Variants in TSPAN7 observed in about 807,000 individuals in gnomAD.
TSPAN7 encodes the protein tetraspanin-7.
Under a neutral mutation model 17.6 loss-of-function variants are expected in TSPAN7, and 1 was observed. That is an observed-to-expected ratio of 0.06 (90% confidence interval 0.02 to 0.27). The LOEUF (loss-of-function observed/expected upper bound fraction) is 0.27, where lower values mean the gene tolerates loss of function less well. TSPAN7 is among the 10% of genes least tolerant of loss of function. TSPAN7 has a pLI of 1.00. For synonymous variants in TSPAN7, 78 were observed against 79.0 expected, an observed-to-expected ratio of 0.99 and a Z score of 0.07; for missense variants, 112 against 201.7, an observed-to-expected ratio of 0.56 and a Z score of 2.69.
intron 1 of TSPAN7, among the ~76,000 whole-genome samples, chrX:38,588,656 T>TCA (rs2069272536): frequency 3.6e-5 from 4 of 111,732 alleles, no homozygotes. Context: ...AGGATGAAAA[T>TCA]GGTTTTTCAA....
At chrX:38,634,484 C>CT (rs2069568470) in intron 1 of TSPAN7, among the ~76,000 whole-genome samples, 1 of 112,044 alleles carries the variant, frequency 8.9e-6, no homozygotes, top group African/African-American at 3.3e-5. Flanking sequence ...GGACTTGGCA[C>CT]TTGACTCATT....
intron 1 of TSPAN7, chrX:38,562,951 AT>A (rs1256235058): frequency 3.0e-5 from 29 of 960,690 alleles, no homozygotes; most frequent in Non-Finnish European, 3.6e-5. Flanking sequence ...ACCACCATAT[AT>A]TAGCCCTATT....
At chrX:38,593,187 TC>T (rs1320543092) in intron 1 of TSPAN7, among the ~76,000 whole-genome samples, 1 of 111,571 alleles carries the variant, frequency 9.0e-6, no homozygotes, top group Non-Finnish European at 1.9e-5. Flanking sequence ...TAATTTTTTT[TC>T]TTAATGATTT....
chrX:38,567,355 G>A lies in TSPAN7; in HGVS notation c.81+5728G>A, dbSNP rs752013777. On this transcript the variant is annotated intron_variant, in intron 1 of 7. Transcript: ENST00000378482. Reference sequence around the variant, plus strand: ...CAAAGTTACATCTTACATGGTGGTAGGCAGGAAAGCTTGTGCAGAGGAACT... The same window carrying A: ...CAAAGTTACATCTTACATGGTGGTAAGCAGGAAAGCTTGTGCAGAGGAACT... 6.2e-5 allele frequency among the ~76,000 whole-genome samples: 7 copies of A among 112,478 alleles called. No individual in the cohort carries two copies. The South Asian group carries it at 2.5e-3, about 41-fold the overall frequency.
At chrX:38,572,592 ACAT>A (rs1411028343) in intron 1 of TSPAN7, among the ~76,000 whole-genome samples, 1 of 111,441 alleles carries the variant, frequency 9.0e-6, no homozygotes, top group Non-Finnish European at 1.9e-5. Flanking sequence ...CATTCTTCAA[ACAT>A]CATCATGATG....
chrX:38,611,206 G>C (rs1227876653), intron 1 of TSPAN7, among the ~76,000 whole-genome samples: 1 of 112,414 alleles, frequency 8.9e-6, no homozygotes, highest in Non-Finnish European at 1.9e-5. Flanking sequence ...AAATCGAATA[G>C]CAAGATGCCT....
At chrX:38,617,846 T>C (rs190744509) in intron 1 of TSPAN7, among the ~76,000 whole-genome samples, 115 of 112,216 alleles carry the variant, frequency 1.0e-3, no homozygotes, top group African/African-American at 3.6e-3. Context: ...GTTTTCTTTG[T>C]TGTGGGGATT....
intron 7 of TSPAN7, 44 bp from the exon 8 acceptor site, chrX:38,687,895 C>T (rs764328554): frequency 1.2e-5 from 4 of 337,574 alleles, no homozygotes; most frequent in African/African-American, 1.0e-4. Flanking sequence ...CTTTCAAGTC[C>T]TTATTACTGG....
rs2069937206 is a variant in TSPAN7 at position 38,688,297 on chromosome X, T to C, written c.*366T>C. Reference sequence around the variant, plus strand: ...GGTTATCACACCATCGCTGGCCCCTTTGGGCCCTGCATGTAGTGTGGGAGG... The same window carrying C: ...GGTTATCACACCATCGCTGGCCCCTCTGGGCCCTGCATGTAGTGTGGGAGG... On this transcript the variant is annotated 3_prime_UTR_variant, in exon 8 of 8. Transcript: ENST00000378482. The C allele has an allele frequency of 8.8e-6, 1 of 113,362 alleles. No individual in the cohort carries two copies. Among genetic ancestry groups the C allele is most frequent in the African/African-American group, 3.2e-5 (1 of 31,225 alleles). The allele number at this position is 113,362 out of a possible 1,213,427, so 9.3% of individuals were successfully genotyped here.
At chrX:38,655,000 T>G (rs1484040947) in intron 1 of TSPAN7, among the ~76,000 whole-genome samples, 1 of 111,481 alleles carries the variant, frequency 9.0e-6, no homozygotes, top group Non-Finnish European at 1.9e-5. Flanking sequence ...CCAAGAGTTT[T>G]GAGGGTGAAC....
In TSPAN7 at chrX:38,673,254, C is replaced by T. The variant is rs140831894; in HGVS notation, c.346-967C>T. 4.6e-4 allele frequency among the ~76,000 whole-genome samples: 52 copies of T among 111,845 alleles called. No homozygotes were observed. The East Asian group carries it at 0.013, about 28-fold the overall frequency. ...ATTGGGGGTCAGTTTTATCAATAAA[C>T]TCAGTGGCCTGGTAACACATTCGAC... On this transcript the variant is annotated intron_variant, in intron 3 of 7. Transcript: ENST00000378482.
intron 1 of TSPAN7, chrX:38,608,348 G>A (rs1461403431): frequency 9.0e-6 from 1 of 110,649 alleles, no homozygotes; most frequent in African/African-American, 3.3e-5. Context: ...ATGTGCCAAA[G>A]TTAGGGTCTT....
intron 1 of TSPAN7, among the ~76,000 whole-genome samples, chrX:38,598,055 T>A (rs1392184967): frequency 9.0e-6 from 1 of 111,521 alleles, no homozygotes; most frequent in African/African-American, 3.3e-5. Context: ...AAGCTCATTT[T>A]TTGTTGAGTC....
intron 1 of TSPAN7, among the ~76,000 whole-genome samples, chrX:38,606,777 T>G (rs1424151804): frequency 8.9e-6 from 1 of 112,282 alleles, no homozygotes; most frequent in Non-Finnish European, 1.9e-5. Flanking sequence ...ATGATTAGAT[T>G]TTTTATAATG....
chrX:38,579,320 C>T (rs1029941380), intron 1 of TSPAN7, among the ~76,000 whole-genome samples: 3 of 110,568 alleles, frequency 2.7e-5, no homozygotes, highest in African/African-American at 9.9e-5. Flanking sequence ...TGGCTCACAC[C>T]TGTAATCCCA....
At chrX:38,648,977 G>A (rs12006682) in intron 1 of TSPAN7, among the ~76,000 whole-genome samples, 2,339 of 110,669 alleles carry the variant, frequency 0.021, 64 homozygotes, top group African/African-American at 0.073. Flanking sequence ...GTTAGGTAAG[G>A]AGGGTCCCTG....
intron 1 of TSPAN7, among the ~76,000 whole-genome samples, chrX:38,646,672 A>G (rs1175264681): frequency 8.9e-6 from 1 of 112,426 alleles, no homozygotes; most frequent in Non-Finnish European, 1.9e-5. Context: ...ACATGCTGTA[A>G]TTATATGCAT....
chrX:38,648,061 T>C (rs1481079107), intron 1 of TSPAN7, among the ~76,000 whole-genome samples: 1 of 112,021 alleles, frequency 8.9e-6, no homozygotes, highest in Non-Finnish European at 1.9e-5. Context: ...ACTACTTAGC[T>C]TTCTCTGAGC....
chrX:38,668,903 A>T (rs1319042844), intron 2 of TSPAN7, among the ~76,000 whole-genome samples: 1 of 108,880 alleles, frequency 9.2e-6, no homozygotes, highest in Non-Finnish European at 1.9e-5. Context: ...AGTGTATAAG[A>T]GTTCTCCCTT....
Sources: gnomAD v4.1 joint callset for allele counts (sites outside exome capture counted in the v4.1 genomes callset) on GRCh38, gnomAD v4.1.1 for gene constraint, MANE v1.5 for transcripts, NCBI Gene and HGNC (gene_info 2026-07-23, HGNC 2026-07-21) for gene names.